FRMPD4: variants seen among roughly 807,000 people sequenced by gnomAD.
FRMPD4 encodes FERM and PDZ domain-containing protein 4.
FRMPD4 carries 22 observed loss-of-function variants against 94.1 expected under a neutral mutation model. That is an observed-to-expected ratio of 0.23 (90% CI 0.17 to 0.33). The LOEUF (loss-of-function observed/expected upper bound fraction) is 0.33, where lower values mean the gene tolerates loss of function less well. Among genes scored for constraint, FRMPD4 ranks in the 10% least tolerant of loss-of-function variants. The pLI is 1.00. For missense variants in FRMPD4, 1,111 were observed against 1,339.9 expected (o/e 0.83, Z 2.67); for synonymous variants, 631 against 548.6 (o/e 1.15, Z -2.10).
At chrX:12,158,600 A>G (rs1281994400) in intron 1 of FRMPD4, among the ~76,000 whole-genome samples, 3 of 112,182 alleles carry the variant, frequency 2.7e-5, no homozygotes, top group Non-Finnish European at 5.6e-5. Flanking sequence ...CTGTCTTTGA[A>G]CATAATATCA....
At chrX:12,141,299 C>A (rs952519450) in intron 1 of FRMPD4, among the ~76,000 whole-genome samples, 2 of 111,174 alleles carry the variant, frequency 1.8e-5, no homozygotes, top group Admixed American at 9.6e-5. Context: ...ATGTAGTTAC[C>A]CTGGGTACCT....
chrX:12,590,362 C>T (rs1437241250), intron 2 of FRMPD4, among the ~76,000 whole-genome samples: 1 of 111,859 alleles, frequency 8.9e-6, no homozygotes, highest in African/African-American at 3.2e-5. Flanking sequence ...GTAGAAAAAC[C>T]CTTCTTATTA....
intron 2 of FRMPD4, among the ~76,000 whole-genome samples, chrX:12,562,388 T>A (rs1042048177): frequency 3.6e-5 from 4 of 112,373 alleles, no homozygotes; most frequent in Non-Finnish European, 7.5e-5. Flanking sequence ...TGTAGCTTTT[T>A]GGTACTGGCC....
intron 3 of FRMPD4, among the ~76,000 whole-genome samples, chrX:12,051,590 T>C (rs1044728287): frequency 2.7e-5 from 3 of 112,147 alleles, no homozygotes; most frequent in African/African-American, 9.7e-5. Flanking sequence ...AAGATAACAT[T>C]GAGAAAGCTA....
chrX:11,923,519 C>A (rs926255026), intron 3 of FRMPD4, among the ~76,000 whole-genome samples: 2 of 111,795 alleles, frequency 1.8e-5, no homozygotes, highest in African/African-American at 6.5e-5. Flanking sequence ...GAAGCAGGCA[C>A]CCCTGCATCC....
rs193213597 is a variant in FRMPD4, at chrX:12,053,911, T to C, written c.95+175893T>C. Among the ~76,000 whole-genome samples, 9 of 112,130 alleles carry C rather than the reference T, an allele frequency of 8.0e-5. No homozygotes were observed. The East Asian group carries it at 1.1e-3, about 14-fold the overall frequency. On this transcript the variant is annotated intron_variant, in intron 3 of 18. Transcript: ENST00000640291. ...GGGTTTCATGAAGAGTATACAGTTATGGAGAAATATAACTGGACAAAGAGT... is the reference window on the plus strand; with the variant it reads ...GGGTTTCATGAAGAGTATACAGTTACGGAGAAATATAACTGGACAAAGAGT...
At chrX:11,855,408 A>G (rs1314524902) in intron 1 of FRMPD4, among the ~76,000 whole-genome samples, 1 of 111,595 alleles carries the variant, frequency 9.0e-6, no homozygotes, top group Non-Finnish European at 1.9e-5. Context: ...GTCAGCTTGA[A>G]TTTCTCCCCA....
At chrX:12,665,443 CA>C (rs59252457) in intron 4 of FRMPD4, among the ~76,000 whole-genome samples, 39,119 of 92,876 alleles carry the variant, frequency 0.42, 7,560 homozygotes, top group African/African-American at 0.71. Context: ...GACTCCGTCT[CA>C]AAAAAAAAAA....
At chrX:11,945,964 C>A (rs1192690659) in intron 3 of FRMPD4, among the ~76,000 whole-genome samples, 1 of 111,860 alleles carries the variant, frequency 8.9e-6, no homozygotes, top group Non-Finnish European at 1.9e-5. Context: ...GGCTACACTG[C>A]CTCTACATCT....
intron 1 of FRMPD4, among the ~76,000 whole-genome samples, chrX:12,359,312 T>A (rs747692447): frequency 1.8e-5 from 2 of 111,825 alleles, no homozygotes; most frequent in African/African-American, 6.5e-5. Context: ...TCTGTATAAC[T>A]CCTTTCAGAA....
chrX:12,715,031 C>T (rs748451249), intron 14 of FRMPD4, among the ~76,000 whole-genome samples: 3 of 112,235 alleles, frequency 2.7e-5, no homozygotes, highest in South Asian at 7.5e-4. Context: ...ATGTCTTGCA[C>T]ATCTGATGTC....
At chrX:12,059,790 G>T (rs941097899) in intron 3 of FRMPD4, among the ~76,000 whole-genome samples, 1 of 111,478 alleles carries the variant, frequency 9.0e-6, no homozygotes, top group African/African-American at 3.3e-5. Context: ...ACATGATTTT[G>T]TTCTTTTTTA....
intron 2 of FRMPD4, among the ~76,000 whole-genome samples, chrX:12,582,087 A>G (rs1235892262): frequency 2.7e-5 from 3 of 112,210 alleles, no homozygotes; most frequent in Admixed American, 1.9e-4. Context: ...CCCGGCACAT[A>G]ATAGGTTATC....
rs372736837 is a variant in FRMPD4, at chrX:12,142,729, C to T, written c.41+3717C>T. On this transcript the variant is annotated intron_variant, in intron 1 of 16. Coordinates refer to ENST00000675598, the MANE Select transcript of FRMPD4 (RefSeq NM_001368397.1). ...TAGTTTGAAGCTGTGAAAGTCTAGT[C>T]GCTCGCAGTTCTGGGAAGAAGGCGT... Among the ~76,000 whole-genome samples the T allele has an allele frequency of 1.1e-4, 12 of 111,777 alleles. No homozygotes were observed. In the South Asian group the frequency reaches 1.5e-3, roughly 14 times the overall value.
In FRMPD4 at chrX:12,707,485, C is replaced by T. The variant is rs750004207; in HGVS notation, c.1304C>T (p.Ser435Leu). The T allele has an allele frequency of 8.3e-7, 1 of 1,199,672 alleles. No individual in the cohort carries two copies. Among genetic ancestry groups the T allele is most frequent in the Non-Finnish European group, 1.1e-6 (1 of 889,871 alleles). ...CTTTCTCAGCAGGCAGAAAAGCGCT[C>T]GGAAGTGACTCTCCTGGTTGGGCCC... The part of the protein sequence containing the change: ...KATLVQAEKR[S>L]EVTLLVGPRY... The change falls in exon 13 of 17, where the codon TCG becomes TTG. Residue 435 changes from serine to leucine, a missense_variant. By Grantham distance (145) the Ser-to-Leu change is moderately radical. This residue lies in a region of FRMPD4 where 111 missense variants were observed against 160.7 expected (regional missense o/e 0.69). Transcript: ENST00000675598.
chrX:12,228,175 G>A (rs965497473), intron 1 of FRMPD4, among the ~76,000 whole-genome samples: 7 of 111,904 alleles, frequency 6.3e-5, no homozygotes, highest in African/African-American at 1.3e-4. Context: ...TTATTATACC[G>A]TCCCTTTGGG....
chrX:12,008,722 G>A (rs2054566438), intron 3 of FRMPD4, among the ~76,000 whole-genome samples: 1 of 112,105 alleles, frequency 8.9e-6, no homozygotes, highest in Non-Finnish European at 1.9e-5. Context: ...AGGCCTGGTT[G>A]GACTGGATGA....
In FRMPD4 at chrX:11,934,663, A is replaced by G. The variant is rs184459784; in HGVS notation, c.95+56645A>G. Among the ~76,000 whole-genome samples, 39 of 112,232 alleles carry G rather than the reference A, an allele frequency of 3.5e-4. No homozygotes were observed. The East Asian group carries it at 0.01, about 30-fold the overall frequency. On this transcript the variant is annotated intron_variant, in intron 3 of 18. Coordinates refer to the FRMPD4 transcript ENST00000640291. ...TTTGTAAAACAATTACTTGTTTATA[A>G]TGAGTTACATACATGTGTTCCTTTG...
chrX:12,048,868 A>C (rs1230681881), intron 3 of FRMPD4, among the ~76,000 whole-genome samples: 2 of 111,739 alleles, frequency 1.8e-5, no homozygotes, highest in Non-Finnish European at 3.8e-5. Flanking sequence ...TACCAGTACC[A>C]TGCTGTTTTG....
Sources: allele counts gnomAD v4.1 joint callset (sites outside exome capture counted in the v4.1 genomes callset), GRCh38; gene constraint gnomAD v4.1.1; regional missense constraint gnomAD v4.1.1; transcripts MANE v1.5; gene names NCBI Gene and HGNC (gene_info 2026-07-23, HGNC 2026-07-21).